The following GPC6 variants were observed in gnomAD, a reference collection of about 807,000 sequenced individuals.
GPC6 encodes the protein glypican-6.
A neutral mutation model predicts 55.2 loss-of-function variants in GPC6; 14 were observed. That is an observed-to-expected ratio of 0.25 (90% CI 0.17 to 0.40). GPC6 has a LOEUF of 0.40. Among genes scored for constraint, GPC6 ranks in the 10% least tolerant of loss-of-function variants. GPC6 has a pLI of 1.00. For synonymous variants in GPC6, 278 were observed against 259.6 expected, an observed-to-expected ratio of 1.07 and a Z score of -0.68; for missense variants, 641 against 708.5, an observed-to-expected ratio of 0.90 and a Z score of 1.08.
chr13:94,360,523 A>C (rs540123706), intron 6 of GPC6, among the ~76,000 whole-genome samples: 1 of 152,256 alleles, frequency 6.6e-6, no homozygotes, highest in East Asian at 1.9e-4. Context: ...AGACATAGGC[A>C]TTGTTAGAAA....
At chr13:94,069,249 C>G (rs952105958) in intron 4 of GPC6, among the ~76,000 whole-genome samples, 1 of 152,210 alleles carries the variant, frequency 6.6e-6, no homozygotes, top group Admixed American at 6.5e-5. Context: ...ATAGCCAGAG[C>G]TGTACCTTGG....
rs150370812 is a variant in GPC6 at position 94,316,455 on chromosome 13, C to T, written c.1152+10332C>T. Among the ~76,000 whole-genome samples, 379 of 152,276 alleles carry T rather than the reference C, an allele frequency of 2.5e-3. 2 individuals carry two copies. Among genetic ancestry groups the T allele is most frequent in the African/African-American group, 8.0e-3 (332 of 41,572 alleles). On this transcript the variant is annotated intron_variant, in intron 6 of 8. Transcript: ENST00000377047. ...AGAATGGGCCGGGCGCGGTGGCTCA[C>T]GCCTGTAATCCCAGCACTTTGGGAG...
At chr13:94,034,106 C>T (rs1883239392) in intron 4 of GPC6, among the ~76,000 whole-genome samples, 1 of 151,896 alleles carries the variant, frequency 6.6e-6, no homozygotes, top group African/African-American at 2.4e-5. Context: ...CAATATTTCT[C>T]ATTTCTTGTG....
chr13:94,326,547 A>G (rs549945075), intron 6 of GPC6, among the ~76,000 whole-genome samples: 49 of 152,330 alleles, frequency 3.2e-4, no homozygotes, highest in Non-Finnish European at 5.7e-4. Context: ...ATTTTCTTAG[A>G]ACAGTTTTAG....
At chr13:93,547,848 A>G (rs909740057) in intron 2 of GPC6, among the ~76,000 whole-genome samples, 2 of 152,208 alleles carry the variant, frequency 1.3e-5, no homozygotes, top group African/African-American at 4.8e-5. Context: ...AATTTCTGCT[A>G]TTTTCTCTGG....
intron 2 of GPC6, among the ~76,000 whole-genome samples, chr13:93,572,362 G>A (rs1263378874): frequency 6.6e-6 from 1 of 152,078 alleles, no homozygotes; most frequent in Non-Finnish European, 1.5e-5. Flanking sequence ...GGGATAAAAT[G>A]AAACAAATGA....
At chr13:94,021,977 T>C (rs2138713193) in intron 3 of GPC6, among the ~76,000 whole-genome samples, 1 of 152,218 alleles carries the variant, frequency 6.6e-6, no homozygotes, top group Non-Finnish European at 1.5e-5. Flanking sequence ...AATTTTACTG[T>C]GTATCTTTAA....
intron 3 of GPC6, among the ~76,000 whole-genome samples, chr13:94,010,372 A>G (rs1248913942): frequency 1.3e-5 from 2 of 152,196 alleles, no homozygotes; most frequent in African/African-American, 4.8e-5. Flanking sequence ...AAAGATTGTA[A>G]AATCCCATTT....
chr13:93,579,596 A>G (rs1283566570), intron 2 of GPC6, among the ~76,000 whole-genome samples: 3 of 151,968 alleles, frequency 2.0e-5, no homozygotes, highest in Admixed American at 6.6e-5. Context: ...TGAAATTACA[A>G]TCAGAGATAC....
At chr13:94,119,319 A>G (rs1886545836) in intron 4 of GPC6, among the ~76,000 whole-genome samples, 1 of 152,084 alleles carries the variant, frequency 6.6e-6, no homozygotes, top group African/African-American at 2.4e-5. Context: ...TGCTCTGAAG[A>G]AAAATAAAGC....
intron 4 of GPC6, among the ~76,000 whole-genome samples, chr13:94,113,664 G>A (rs971072264): frequency 6.6e-6 from 1 of 152,032 alleles, no homozygotes; most frequent in Non-Finnish European, 1.5e-5. Context: ...TTCAAATCCA[G>A]CCAACTAGGA....
chr13:93,974,580 G>A (rs999893850), intron 3 of GPC6, among the ~76,000 whole-genome samples: 1 of 152,038 alleles, frequency 6.6e-6, no homozygotes, highest in Non-Finnish European at 1.5e-5. Context: ...CCTCAGTATG[G>A]AACTTGGGCT....
chr13:93,625,985 T>C lies in GPC6; in HGVS notation c.319+80564T>C, dbSNP rs374830457. Among the ~76,000 whole-genome samples the C allele has an allele frequency of 5.3e-5, 8 of 152,016 alleles. No homozygotes were observed. The East Asian group carries it at 7.7e-4, about 15-fold the overall frequency. On this transcript the variant is annotated intron_variant, in intron 2 of 8. Coordinates refer to ENST00000377047, the MANE Select transcript of GPC6 (RefSeq NM_005708.5). The stretch of plus-strand genomic sequence containing the variant: ...TCAAGTACAGTCAGTTCTGCTATAA[T>C]GCTTGTTTAGAAAGCATGATTTTTT...
chr13:93,980,699 C>T (rs1468314701), intron 3 of GPC6, among the ~76,000 whole-genome samples: 3 of 152,184 alleles, frequency 2.0e-5, no homozygotes, highest in African/African-American at 7.2e-5. Context: ...CAAGAATGGA[C>T]TGATCAGGAG....
intron 2 of GPC6, among the ~76,000 whole-genome samples, chr13:93,668,531 C>T (rs1271101444): frequency 6.6e-6 from 1 of 152,094 alleles, no homozygotes; most frequent in Non-Finnish European, 1.5e-5. Context: ...GATGAAATCA[C>T]CCTGATTAAT....
At chr13:94,092,685 T>A (rs1885532592) in intron 4 of GPC6, among the ~76,000 whole-genome samples, 1 of 152,256 alleles carries the variant, frequency 6.6e-6, no homozygotes, top group Non-Finnish European at 1.5e-5. Flanking sequence ...GTTCTATTTT[T>A]AAGTTTTGGG....
chr13:93,385,295 TGCC>T (rs1875350337), intron 1 of GPC6, among the ~76,000 whole-genome samples: 1 of 151,964 alleles, frequency 6.6e-6, no homozygotes, highest in Admixed American at 6.5e-5. Context: ...GGAAAGGAGA[TGCC>T]ATAGGCGAGG....
chr13:94,085,985 T>C (rs1243675285), intron 4 of GPC6, among the ~76,000 whole-genome samples: 1 of 152,204 alleles, frequency 6.6e-6, no homozygotes, highest in African/African-American at 2.4e-5. Flanking sequence ...AAGAAGAGAA[T>C]ATCCCTTCTG....
intron 2 of GPC6, among the ~76,000 whole-genome samples, chr13:93,817,019 T>C (rs1445369580): frequency 1.3e-5 from 2 of 152,180 alleles, no homozygotes; most frequent in Non-Finnish European, 2.9e-5. Flanking sequence ...AGAATATTTG[T>C]TAAAGGGAGT....
Sources: gnomAD v4.1 joint callset for allele counts (sites outside exome capture counted in the v4.1 genomes callset) on GRCh38, gnomAD v4.1.1 for gene constraint, MANE v1.5 for transcripts, NCBI Gene and HGNC (gene_info 2026-07-23, HGNC 2026-07-21) for gene names.